FAM131B: variants seen among roughly 807,000 people sequenced by gnomAD.
FAM131B encodes the protein protein FAM131B.
Under a neutral mutation model 42.0 loss-of-function variants are expected in FAM131B, and 19 were observed. The ratio of observed to expected loss-of-function variants is 0.45; its 90% confidence interval spans 0.32 to 0.66. The LOEUF is 0.66. FAM131B is among the 30% of genes least tolerant of loss of function. FAM131B has a pLI of 0.05. For missense variants in FAM131B, 370 were observed against 468.4 expected (o/e 0.79, Z 1.94); for synonymous variants, 183 against 177.6 (o/e 1.03, Z -0.24).
the FAM131B span, among the ~76,000 whole-genome samples, chr7:143,378,338 C>T: frequency 6.6e-6 from 1 of 152,138 alleles, no homozygotes; most frequent in Non-Finnish European, 1.5e-5. Context: ...CTTTCTGGTA[C>T]CTGATGGTTA....
At chr7:143,378,212 G>T in the FAM131B span, among the ~76,000 whole-genome samples, 1 of 152,222 alleles carries the variant, frequency 6.6e-6, no homozygotes, top group African/African-American at 2.4e-5. Context: ...AGAACCTCCT[G>T]GTCACATTTC....
chr7:143,357,475 T>C (rs757034542), intron 5 of FAM131B, 52 bp from the exon 6 acceptor site: 2 of 1,549,502 alleles, frequency 1.3e-6, no homozygotes, highest in Non-Finnish European at 1.8e-6. Flanking sequence ...TCCTTAGACA[T>C]GTGCGTGGGG....
chr7:143,380,140 C>A, the FAM131B span: 8 of 984,200 alleles, frequency 8.1e-6, no homozygotes, highest in Non-Finnish European at 9.6e-6. This position sits in a 1 kb window ranked among gnomAD's most constrained non-coding sequence, Gnocchi z 5.0. Flanking sequence ...GAAGCGCCTA[C>A]GGGTGCATAC....
At chr7:143,381,923 T>C in the FAM131B span, 1 of 833,144 alleles carries the variant, frequency 1.2e-6, no homozygotes, top group East Asian at 2.8e-5. Context: ...TCTTACCTCA[T>C]CGTGGAGCTC....
chr7:143,362,766 C>A, upstream of FAM131B: 1 of 177,180 alleles, frequency 5.6e-6, no homozygotes, highest in Non-Finnish European at 1.1e-5. The surrounding 1 kb of genome is among the most constrained non-coding windows in gnomAD (Gnocchi z 7.7). Context: ...GCAGCTCCGT[C>A]GCCGCCGCCG....
chr7:143,360,232 C>T (rs1803894547), intron 1 of FAM131B, 83 bp from the exon 2 acceptor site: 2 of 1,539,594 alleles, frequency 1.3e-6, no homozygotes, highest in Non-Finnish European at 1.7e-6. Context: ...CTTCACACCC[C>T]TTCCTTACCC....
the FAM131B span, among the ~76,000 whole-genome samples, chr7:143,375,284 G>A: frequency 6.6e-6 from 1 of 152,076 alleles, no homozygotes; most frequent in Non-Finnish European, 1.5e-5. Context: ...CTATTCTTAG[G>A]CACACTGGAA....
chr7:143,357,059 A>C (rs758228344), intron 6 of FAM131B, 37 bp from the exon 7 acceptor site: 2 of 1,476,110 alleles, frequency 1.4e-6, no homozygotes, highest in African/African-American at 2.8e-5. Flanking sequence ...GGGGCCACAG[A>C]ATGTCAAGGG....
At chr7:143,371,252 T>C in the FAM131B span, among the ~76,000 whole-genome samples, 1 of 151,948 alleles carries the variant, frequency 6.6e-6, no homozygotes, top group African/African-American at 2.4e-5. Flanking sequence ...GACTGAATTG[T>C]TTGGTGGGGG....
the FAM131B span, among the ~76,000 whole-genome samples, chr7:143,379,481 CAA>C: frequency 6.6e-6 from 1 of 152,218 alleles, no homozygotes; most frequent in South Asian, 2.1e-4. Flanking sequence ...GTGGGGTTTG[CAA>C]AAGTGATTAA....
upstream of FAM131B, chr7:143,362,764 G>T (rs1804064217): frequency 3.9e-6 from 1 of 253,490 alleles, no homozygotes; most frequent in South Asian, 1.4e-4. This position sits in a 1 kb window ranked among gnomAD's most constrained non-coding sequence, Gnocchi z 7.7. Context: ...CGGCAGCTCC[G>T]TCGCCGCCGC....
the FAM131B span, chr7:143,382,066 C>A: frequency 1.6e-6 from 1 of 618,758 alleles, no homozygotes; most frequent in Non-Finnish European, 2.8e-6. Context: ...CACTCCTCGG[C>A]AGTGCGCCCG....
the FAM131B span, among the ~76,000 whole-genome samples, chr7:143,373,242 G>C: frequency 6.6e-6 from 1 of 152,020 alleles, no homozygotes; most frequent in African/African-American, 2.4e-5. Flanking sequence ...AATTAGTCAG[G>C]TGTGGTGGTG....
the FAM131B span, among the ~76,000 whole-genome samples, chr7:143,372,132 C>T: frequency 5.3e-5 from 8 of 152,030 alleles, no homozygotes; most frequent in Admixed American, 2.0e-4. Context: ...TTTATCAGGA[C>T]GTAGAAAGGT....
the FAM131B span, chr7:143,381,694 CG>C: frequency 6.2e-7 from 1 of 1,606,828 alleles, no homozygotes; most frequent in South Asian, 1.1e-5. Flanking sequence ...CCTTCCGGCC[CG>C]GGGACAGCGA....
In FAM131B at chr7:143,359,761, G is replaced by A. The variant is rs1386234822; in HGVS notation, c.145C>T (p.Arg49Ter). The change falls in exon 3 of 7, where the codon CGA (arginine) becomes TGA (stop). Residue 49 changes from arginine (R) to a stop codon, truncating the protein, a stop_gained. Coordinates refer to ENST00000443739, the MANE Select transcript of FAM131B (RefSeq NM_001031690.3). LOFTEE classifies it high-confidence loss of function. This position sits in a 1 kb window ranked among gnomAD's most constrained non-coding sequence, Gnocchi z 5.4. ...SLHRPSTEQTRTDFSWDGINL... is the reference protein window; with the variant it reads ...SLHRPSTEQT ...ATGCCGTCCCAGGAGAAATCAGTTCGAGTTTGCTGTGAGGAGAGAGGAAAG... is the reference window on the plus strand; with the variant it reads ...ATGCCGTCCCAGGAGAAATCAGTTCAAGTTTGCTGTGAGGAGAGAGGAAAG... 3 of 1,569,174 alleles carry A rather than the reference G, an allele frequency of 1.9e-6. No individual in the cohort carries two copies. The highest frequency in any genetic ancestry group is 1.4e-5 in the African/African-American group (1 of 73,952).
the FAM131B span, chr7:143,380,357 A>C: frequency 1.0e-6 from 1 of 985,034 alleles, no homozygotes. This position sits in a 1 kb window ranked among gnomAD's most constrained non-coding sequence, Gnocchi z 5.0. Context: ...GCGCAGTCTC[A>C]GAATGCCCAA....
In FAM131B at chr7:143,359,927, G is replaced by A; in HGVS notation, c.138+113C>T. ...TCTCCATGTGGACTGCTTGGCATGT[G>A]TTGTGAGAAATGTTCTGTAGAAGTG... On this transcript the variant is annotated intron_variant, in intron 2 of 6. Transcript: ENST00000443739. This position sits in a 1 kb window ranked among gnomAD's most constrained non-coding sequence, Gnocchi z 5.4. The A allele has an allele frequency of 9.8e-7, 1 of 1,016,190 alleles. No homozygotes were observed. The highest frequency in any genetic ancestry group is 1.6e-5 in the African/African-American group (1 of 63,074). The allele number at this position is 1,016,190 out of a possible 1,614,324, so 62.9% of individuals were successfully genotyped here.
upstream of FAM131B, among the ~76,000 whole-genome samples, chr7:143,367,403 T>C (rs990315569): frequency 1.1e-4 from 16 of 152,156 alleles, no homozygotes; most frequent in South Asian, 4.1e-4. Flanking sequence ...ACTCCCACTT[T>C]TAGTTAGAAA....
Sources: allele counts gnomAD v4.1 joint callset (sites outside exome capture counted in the v4.1 genomes callset), GRCh38; gene constraint gnomAD v4.1.1; non-coding constraint Gnocchi (gnomAD v3.1); transcripts MANE v1.5; gene names NCBI Gene and HGNC (gene_info 2026-07-23, HGNC 2026-07-21).